Variants in INTS4 observed in about 807,000 individuals in gnomAD.
INTS4 encodes the protein MSTP093.
Under a neutral mutation model 119.5 loss-of-function variants are expected in INTS4, and 70 were observed. The ratio of observed to expected loss-of-function variants is 0.59; its 90% CI spans 0.48 to 0.71. The LOEUF (loss-of-function observed/expected upper bound fraction) is 0.71. INTS4 is among the 30% of genes least tolerant of loss of function. INTS4 has a pLI of 0.00. For synonymous variants in INTS4, 316 were observed against 419.6 expected (o/e 0.75, Z 3.02); for missense variants, 867 against 1,173.2 (o/e 0.74, Z 3.81).
intron 2 of INTS4, among the ~76,000 whole-genome samples, chr11:77,986,697 T>C (rs1239484800): frequency 6.6e-6 from 1 of 152,132 alleles, no homozygotes; most frequent in Non-Finnish European, 1.5e-5. Flanking sequence ...GGGAAATGGA[T>C]GAAGCTGAAA....
At chr11:77,950,201 A>G (rs1470691685) in intron 8 of INTS4, among the ~76,000 whole-genome samples, 1 of 151,394 alleles carries the variant, frequency 6.6e-6, no homozygotes, top group Admixed American at 6.6e-5. Flanking sequence ...GAAACATCAC[A>G]CACCAGGGAC....
At chr11:77,993,332 T>C (rs969065744) in intron 1 of INTS4, among the ~76,000 whole-genome samples, 9 of 152,214 alleles carry the variant, frequency 5.9e-5, no homozygotes, top group African/African-American at 1.9e-4. Context: ...AGGTTTCATT[T>C]GGGTCTTGAA....
chr11:77,900,100 C>CT (rs139576778), intron 18 of INTS4, among the ~76,000 whole-genome samples: 34,094 of 147,410 alleles, frequency 0.23, 3,891 homozygotes, highest in Middle Eastern at 0.3. Flanking sequence ...ATATGAATAT[C>CT]TTTTTTTTTT....
At chr11:77,993,874 TG>T (rs1856795660) in intron 1 of INTS4, among the ~76,000 whole-genome samples, 3 of 152,066 alleles carry the variant, frequency 2.0e-5, no homozygotes, top group Admixed American at 6.6e-5. Flanking sequence ...CCAGGTAATT[TG>T]TATACACATT....
chr11:77,885,331 C>G (rs1228310785), intron 21 of INTS4, among the ~76,000 whole-genome samples: 1 of 152,020 alleles, frequency 6.6e-6, no homozygotes, highest in Non-Finnish European at 1.5e-5. Flanking sequence ...CCTACTTCAG[C>G]CTCCCAAAGT....
Position 77,901,555 on chromosome 11 carries a change from T to C in INTS4, c.2098-4A>G, listed in dbSNP as rs114600355. ...TTTTGTAGGTCTCTTCCATAATCTATAAAGGAAAGATAATTAACAATCAAT... is the reference window on the plus strand; with the variant it reads ...TTTTGTAGGTCTCTTCCATAATCTACAAAGGAAAGATAATTAACAATCAAT... On this transcript the variant is annotated splice_polypyrimidine_tract_variant and splice_region_variant and intron_variant, in intron 17 of 22. Coordinates refer to ENST00000534064, the MANE Select transcript of INTS4 (RefSeq NM_033547.4). 5.6e-6 allele frequency: 9 copies of C among 1,593,892 alleles called. No homozygotes were observed. Among genetic ancestry groups the C allele is most frequent in the Non-Finnish European group, 7.7e-6 (9 of 1,162,122 alleles).
At chr11:77,962,946 C>T (rs1855298960) in intron 4 of INTS4, among the ~76,000 whole-genome samples, 1 of 151,914 alleles carries the variant, frequency 6.6e-6, no homozygotes, top group Admixed American at 6.6e-5. Flanking sequence ...ACCCAGGAAG[C>T]GGAGGTTTCA....
chr11:77,919,667 T>C (rs1381420211), intron 14 of INTS4, among the ~76,000 whole-genome samples: 2 of 152,272 alleles, frequency 1.3e-5, no homozygotes, highest in Non-Finnish European at 1.5e-5. Flanking sequence ...ATATAGCATA[T>C]AATTTTTTCA....
chr11:77,937,511 A>T (rs1255576689), intron 10 of INTS4, among the ~76,000 whole-genome samples: 1 of 152,210 alleles, frequency 6.6e-6, no homozygotes, highest in East Asian at 1.9e-4. Context: ...TAGGAGGCCA[A>T]AGCAAAAGGA....
At chr11:77,971,682 A>C (rs1855742152) in intron 4 of INTS4, among the ~76,000 whole-genome samples, 4 of 152,214 alleles carry the variant, frequency 2.6e-5, no homozygotes, top group Admixed American at 6.5e-5. Context: ...ACCTCATTAT[A>C]TGTATGATTT....
At position 77,901,470 on chromosome 11, in the gene INTS4, G is replaced by A. The variant is rs778460879; in HGVS notation, c.2179C>T (p.Leu727=). ...ATAAGTTGCAAAGCTTTGGCCTGCA[G>A]CCTCATGTGATGTATAATCACCACC... ...KQVVIIHHMR[L]QAKALQLIVT... The change falls in exon 18 of 23, where the codon CTG becomes TTG. Residue 727 remains leucine (L), a synonymous_variant. Transcript: ENST00000534064. 6.2e-7 allele frequency: 1 copy of A among 1,613,936 alleles called. No homozygotes were observed. Among genetic ancestry groups the A allele is most frequent in the Non-Finnish European group, 8.5e-7 (1 of 1,179,836 alleles).
At chr11:77,903,418 A>C in intron 17 of INTS4, 122 bp downstream of exon 17, 1 of 1,607,042 alleles carries the variant, frequency 6.2e-7, no homozygotes, top group Non-Finnish European at 8.5e-7. Flanking sequence ...GGGCAGCTAC[A>C]TGCCACAACT....
Position 77,947,630 on chromosome 11 carries a change from A to G in INTS4, c.919-6379T>C, listed in dbSNP as rs555999998. On this transcript the variant is annotated intron_variant, in intron 8 of 22. Transcript: ENST00000534064. ...TCAAACCCCAGTGATACAATATGTC[A>G]TATAAAATTTTCAATCTGCTAGTAT... Among the ~76,000 whole-genome samples, 28 of 152,350 alleles carry G rather than the reference A, an allele frequency of 1.8e-4. No individual in the cohort carries two copies. In the South Asian group the frequency reaches 5.8e-3, roughly 32 times the overall value.
chr11:77,962,105 G>C (rs1591113769), intron 4 of INTS4, among the ~76,000 whole-genome samples: 1 of 152,286 alleles, frequency 6.6e-6, no homozygotes, highest in South Asian at 2.1e-4. Context: ...TTGAGCCCAG[G>C]AGTTCAAGAC....
At chr11:77,991,419 C>G (rs1198336624) in intron 1 of INTS4, 120 bp from the exon 2 acceptor site, 4 of 808,690 alleles carry the variant, frequency 4.9e-6, no homozygotes, top group Non-Finnish European at 7.9e-6. Flanking sequence ...TAGGAAAATA[C>G]AGTATTATAA....
Position 77,903,536 on chromosome 11 carries a change from T to C in INTS4, c.2097+4A>G, listed in dbSNP as rs764849994. Reference sequence around the variant, plus strand: ...ATTTGAAGGGAAGGTCTGAATAAGCTTACCTGTTTCGCTGCTGCTGAGGCC... The same window carrying C: ...ATTTGAAGGGAAGGTCTGAATAAGCCTACCTGTTTCGCTGCTGCTGAGGCC... On this transcript the variant is annotated splice_donor_region_variant and intron_variant, in intron 17 of 22. Coordinates refer to ENST00000534064, the MANE Select transcript of INTS4 (RefSeq NM_033547.4). 5.6e-6 allele frequency: 9 copies of C among 1,613,346 alleles called. No homozygotes were observed. The South Asian group carries it at 9.9e-5, about 18-fold the overall frequency.
chr11:77,947,900 G>GTGGCC (rs1954086487), intron 8 of INTS4, among the ~76,000 whole-genome samples: 1 of 152,158 alleles, frequency 6.6e-6, no homozygotes, highest in Admixed American at 6.5e-5. Context: ...CTAGAGCATA[G>GTGGCC]TGGCCTGATC....
intron 17 of INTS4, among the ~76,000 whole-genome samples, chr11:77,902,369 C>T (rs1465530827): frequency 6.6e-6 from 1 of 152,182 alleles, no homozygotes; most frequent in Admixed American, 6.5e-5. Context: ...CTGGTCCCAT[C>T]CTTCCAATGT....
downstream of INTS4, among the ~76,000 whole-genome samples, chr11:77,878,474 CAT>C (rs1485661604): frequency 3.9e-5 from 6 of 151,978 alleles, no homozygotes; most frequent in African/African-American, 9.7e-5. Flanking sequence ...AAGGTTAACA[CAT>C]GTTTAAGGTC....
Sources: allele counts gnomAD v4.1 joint callset (sites outside exome capture counted in the v4.1 genomes callset), GRCh38; gene constraint gnomAD v4.1.1; transcripts MANE v1.5; gene names NCBI Gene and HGNC (gene_info 2026-07-23, HGNC 2026-07-21).